Variants in FBLN5 observed in about 807,000 individuals in gnomAD.
The protein encoded by FBLN5 is fibulin-5.
FBLN5 carries 24 observed loss-of-function variants against 61.6 expected under a neutral mutation model. That is an observed-to-expected ratio of 0.39 (90% CI 0.28 to 0.55). The LOEUF (loss-of-function observed/expected upper bound fraction) is 0.55. Among genes scored for constraint, FBLN5 ranks in the 20% least tolerant of loss-of-function variants. The pLI is 0.65. For synonymous variants in FBLN5, 213 were observed against 219.8 expected (o/e 0.97, Z 0.27); for missense variants, 470 against 594.1 (o/e 0.79, Z 2.17).
intron 1 of FBLN5, among the ~76,000 whole-genome samples, chr14:91,945,083 T>C (rs2056162544): frequency 6.6e-6 from 1 of 151,916 alleles, no homozygotes. Flanking sequence ...ATACAAAAAT[T>C]AGCCGACTGT....
intron 9 of FBLN5, 127 bp from the exon 10 acceptor site, chr14:91,877,809 G>A (rs1177945380): frequency 4.0e-6 from 3 of 746,306 alleles, no homozygotes; most frequent in African/African-American, 3.4e-5. Context: ...CATAACTGTA[G>A]AATGTCTCTG....
Position 91,943,521 on chromosome 14 carries a change from C to G in FBLN5, c.18-560G>C, listed in dbSNP as rs572665463. On this transcript the variant is annotated intron_variant, in intron 1 of 10. Coordinates refer to ENST00000342058, the MANE Select transcript of FBLN5 (RefSeq NM_006329.4). The surrounding 1 kb of genome is among the most constrained non-coding windows in gnomAD (Gnocchi z 4.0). ...GAGACCTTGTCCTCCCCCCACCCCC[C>G]AAAAAAGCTAAAACCTCCCACTATG... 4.0e-5 allele frequency among the ~76,000 whole-genome samples: 6 copies of G among 151,828 alleles called. No homozygotes were observed. The highest frequency in any genetic ancestry group is 1.5e-4 in the African/African-American group (6 of 41,290).
chr14:91,883,034 T>A lies in FBLN5; in HGVS notation c.782A>T (p.Glu261Val). The A allele has an allele frequency of 6.2e-7, 1 of 1,614,050 alleles. No individual in the cohort carries two copies. The change falls in exon 8 of 11, where the codon GAG (glutamate) becomes GTG (valine). Residue 261 changes from glutamate to valine, a missense_variant. Glu to Val is a moderately radical substitution (Grantham distance 121, BLOSUM62 -2). Transcript: ENST00000342058. ...GTATGTGCCGGGCTGGTTCACACAC[T>A]CATGTTGGCAGAGGAACTCAGAGAA... ...CSFSEFLCQH[E>V]CVNQPGTYFC...
chr14:91,885,597 GTGGT>G (rs570497405), intron 7 of FBLN5, among the ~76,000 whole-genome samples: 251 of 152,226 alleles, frequency 1.6e-3, no homozygotes, highest in African/African-American at 5.7e-3. Context: ...CTCTATGAGG[GTGGT>G]TGGTTGGTTG....
In FBLN5 at chr14:91,877,540, A is replaced by G; in HGVS notation, c.1132T>C (p.Tyr378His). The G allele has an allele frequency of 2.5e-6, 4 of 1,614,104 alleles. No homozygotes were observed. The highest frequency in any genetic ancestry group is 3.4e-6 in the Non-Finnish European group (4 of 1,180,000). Residue 378 changes from tyrosine (Y) to histidine (H), a missense_variant, in exon 10 of 11, where the codon TAT becomes CAT. Transcript: ENST00000342058. Reference sequence around the variant, plus strand: ...CCAGATTTGATCTGGAAAATGTAATAGGCCCCAGGGTAGCGGGTCGTGGCT... The same window carrying G: ...CCAGATTTGATCTGGAAAATGTAATGGGCCCCAGGGTAGCGGGTCGTGGCT... ...MQATTRYPGA[Y>H]YIFQIKSGNE...
rs373067056 is a variant in FBLN5 at position 91,943,031 on chromosome 14, C to T, written c.18-70G>A. ...GGTCTAGGGGAGTGTGGGTCGCATG[C>T]GGCCCGTGACGTGTAACGGTGATAT... On this transcript the variant is annotated intron_variant, in intron 1 of 10. Transcript: ENST00000342058. This position sits in a 1 kb window ranked among gnomAD's most constrained non-coding sequence, Gnocchi z 4.0. The T allele has an allele frequency of 1.9e-4, 188 of 988,070 alleles. No individual in the cohort carries two copies. The highest frequency in any genetic ancestry group is 1.2e-3 in the African/African-American group (72 of 62,128). 61.2% of individuals were successfully genotyped at this position (988,070 alleles called of 1,614,324 possible).
intron 1 of FBLN5, chr14:91,946,767 CCACA>C: frequency 6.5e-7 from 1 of 1,536,000 alleles, no homozygotes; most frequent in Non-Finnish European, 8.7e-7. Context: ...TGTGAGAATC[CCACA>C]CAAACATAGA....
At chr14:91,929,341 C>T (rs1164248130) in intron 4 of FBLN5, among the ~76,000 whole-genome samples, 1 of 152,160 alleles carries the variant, frequency 6.6e-6, no homozygotes, top group African/African-American at 2.4e-5. Flanking sequence ...CTGTTGCCTA[C>T]AATGGACAGT....
intron 9 of FBLN5, among the ~76,000 whole-genome samples, chr14:91,878,512 C>T (rs560783289): frequency 5.1e-4 from 78 of 152,306 alleles, no homozygotes; most frequent in African/African-American, 1.8e-3. Context: ...TCTGTTGAGA[C>T]GCGCGGTGGT....
At chr14:91,937,465 A>G (rs2056038494) in intron 3 of FBLN5, among the ~76,000 whole-genome samples, 1 of 152,296 alleles carries the variant, frequency 6.6e-6, no homozygotes, top group South Asian at 2.1e-4. Flanking sequence ...ATGTCCCTCC[A>G]AAACTCATAT....
rs1215652531 is a variant in FBLN5 at position 91,937,156 on chromosome 14, A to G, written c.170T>C (p.Met57Thr). ...RTIPEACRGD[M>T]MCVNQNGGYL... The stretch of plus-strand genomic sequence containing the variant: ...CCCGCCATTTTGGTTAACACACATC[A>G]TGTCTCCTCGGCAGGCCTCGGGGAT... Residue 57 changes from methionine to threonine, a missense_variant, in exon 4 of 11, where the codon ATG becomes ACG. By Grantham distance (81) the Met-to-Thr change is moderately conservative (BLOSUM62 -1). Transcript: ENST00000342058. 1 of 1,614,060 alleles carries G rather than the reference A, an allele frequency of 6.2e-7. No individual in the cohort carries two copies. Among genetic ancestry groups the G allele is most frequent in the Non-Finnish European group, 8.5e-7 (1 of 1,180,016 alleles).
At chr14:91,883,189 T>G in intron 7 of FBLN5, 113 bp from the exon 8 acceptor site, 1 of 1,230,228 alleles carries the variant, frequency 8.1e-7, no homozygotes. Context: ...ATGGCTTTAC[T>G]GCCAAGAAGC....
intron 4 of FBLN5, among the ~76,000 whole-genome samples, chr14:91,902,281 GT>G (rs1555376457): frequency 1.0e-3 from 30 of 29,072 alleles, no homozygotes; most frequent in Middle Eastern, 0.026. Context: ...TTGTTTGTTT[GT>G]TTTTTTTTTT....
In FBLN5 at chr14:91,882,977, A is replaced by C. The variant is rs932592417; in HGVS notation, c.839T>G (p.Leu280Arg). ...FCSCPPGYIL[L>R]DDNRSCQDIN... ...ACCTTGGCAGCTTCGGTTGTCATCC[A>C]GCAGGATGTAGCCTGGAGGGCAGGA... Residue 280 changes from leucine (L) to arginine (R), a missense_variant, in exon 8 of 11, where the codon CTG becomes CGG. Physicochemically the swap from Leu to Arg is moderately radical, Grantham distance 102 (BLOSUM62 -2). Transcript: ENST00000342058. This position sits in a 1 kb window ranked among gnomAD's most constrained non-coding sequence, Gnocchi z 4.9. 6.2e-7 allele frequency: 1 copy of C among 1,613,992 alleles called. No individual in the cohort carries two copies. The highest frequency in any genetic ancestry group is 1.3e-5 in the African/African-American group (1 of 74,942).
intron 7 of FBLN5, among the ~76,000 whole-genome samples, chr14:91,884,514 C>T (rs532159401): frequency 6.6e-6 from 1 of 152,164 alleles, no homozygotes; most frequent in South Asian, 2.1e-4. Context: ...TAATTCTCAC[C>T]TCAACCCCAT....
At position 91,947,286 on chromosome 14, in the gene FBLN5, C is replaced by A. The variant is rs546827390; in HGVS notation, c.-57G>T. The A allele has an allele frequency of 1.9e-6, 3 of 1,611,964 alleles. No individual in the cohort carries two copies. Among genetic ancestry groups the A allele is most frequent in the East Asian group, 2.2e-5 (1 of 44,834 alleles). ...CGAGAAGAAAGCTCGCGGGCGGGAC[C>A]CCCGGAGGAGCTCGGGCACGTCGGC... On this transcript the variant is annotated 5_prime_UTR_variant, in exon 1 of 11. Coordinates refer to ENST00000342058, the MANE Select transcript of FBLN5 (RefSeq NM_006329.4). This position sits in a 1 kb window ranked among gnomAD's most constrained non-coding sequence, Gnocchi z 4.3.
intron 9 of FBLN5, among the ~76,000 whole-genome samples, chr14:91,880,539 G>A (rs916934440): frequency 6.6e-6 from 1 of 151,622 alleles, no homozygotes; most frequent in Admixed American, 6.6e-5. Context: ...GTGTGTGTGT[G>A]TGTGTGTGTG....
At chr14:91,878,994 T>C (rs1464563367) in intron 9 of FBLN5, among the ~76,000 whole-genome samples, 1 of 152,192 alleles carries the variant, frequency 6.6e-6, no homozygotes, top group African/African-American at 2.4e-5. Flanking sequence ...GCAGGACGAT[T>C]GTTTGAGCCC....
chr14:91,941,795 G>A (rs1266632950), intron 2 of FBLN5, among the ~76,000 whole-genome samples: 2 of 151,988 alleles, frequency 1.3e-5, no homozygotes, highest in Admixed American at 6.5e-5. Context: ...GGGTATGTAC[G>A]TAGTTCAAAA....
Sources: gnomAD v4.1 joint callset for allele counts (sites outside exome capture counted in the v4.1 genomes callset) on GRCh38, gnomAD v4.1.1 for gene constraint, Gnocchi (gnomAD v3.1) non-coding constraint, MANE v1.5 for transcripts, NCBI Gene and HGNC (gene_info 2026-07-23, HGNC 2026-07-21) for gene names.